The following MRPS9 variants were observed in gnomAD, a reference collection of about 807,000 sequenced individuals.
The protein encoded by MRPS9 is mitochondrial ribosomal protein S9, also known as small ribosomal subunit protein uS9m.
A neutral mutation model predicts 59.9 loss-of-function variants in MRPS9; 45 were observed. The ratio of observed to expected loss-of-function variants is 0.75; its 90% CI spans 0.59 to 0.96. MRPS9 has a LOEUF of 0.96. Ranked by LOEUF, MRPS9 falls within the 40% of genes least tolerant of loss-of-function variation. The probability of loss-of-function intolerance (pLI) is 0.00; values close to 1 mark genes in which losing one functional copy is unlikely to be tolerated. For missense variants in MRPS9, 473 were observed against 481.1 expected (o/e 0.98, Z 0.16); for synonymous variants, 171 against 166.8 (o/e 1.03, Z -0.19).
At chr2:105,040,979 A>C (rs1319383221) in intron 1 of MRPS9, among the ~76,000 whole-genome samples, 4 of 152,200 alleles carry the variant, frequency 2.6e-5, no homozygotes, top group Non-Finnish European at 5.9e-5. Flanking sequence ...ATAGAGATGT[A>C]CTGAGTAATA....
chr2:105,049,533 T>C (rs1440642484), intron 2 of MRPS9, among the ~76,000 whole-genome samples, 183 bp downstream of exon 2: 1 of 152,216 alleles, frequency 6.6e-6, no homozygotes, highest in Non-Finnish European at 1.5e-5. Flanking sequence ...ATTTACTTAG[T>C]ATGGTGAGTT....
intron 1 of MRPS9, among the ~76,000 whole-genome samples, chr2:105,046,300 T>C (rs1679593307): frequency 6.6e-6 from 1 of 152,020 alleles, no homozygotes. Flanking sequence ...TTCTATTTCA[T>C]AGAGAAAATA....
chr2:105,076,916 A>G (rs866828868), intron 4 of MRPS9, among the ~76,000 whole-genome samples: 1 of 152,078 alleles, frequency 6.6e-6, no homozygotes, highest in African/African-American at 2.4e-5. Context: ...AGAAAAAATT[A>G]AAGTACCAGT....
At position 105,080,019 on chromosome 2, in the gene MRPS9, A is replaced by G. The variant is rs201445337; in HGVS notation, c.446A>G (p.Tyr149Cys). Residue 149 changes from tyrosine to cysteine, a missense_variant, in exon 5 of 11, where the codon TAT (tyrosine) becomes TGT (cysteine). Physicochemically the swap from Tyr to Cys is radical, Grantham distance 194. Transcript: ENST00000258455. ...GGAGAAGATGGCCGTCCATTTCACT[A>G]TCTCTTCTATACTGGCAAACAGTCA... Reference protein sequence around the residue: ...QWGEDGRPFHYLFYTGKQSYY... With the variant: ...QWGEDGRPFHCLFYTGKQSYY... 2.0e-5 allele frequency: 33 copies of G among 1,611,836 alleles called. No individual in the cohort carries two copies. Among genetic ancestry groups the G allele is most frequent in the East Asian group, 1.8e-4 (8 of 44,688 alleles).
intron 2 of MRPS9, among the ~76,000 whole-genome samples, chr2:105,069,988 A>G (rs752798821): frequency 6.6e-6 from 1 of 152,100 alleles, no homozygotes; most frequent in Non-Finnish European, 1.5e-5. Flanking sequence ...CTCCAGCCTC[A>G]GCGACAGAGT....
intron 2 of MRPS9, among the ~76,000 whole-genome samples, chr2:105,063,966 AAAG>A (rs1679951420): frequency 6.6e-6 from 1 of 152,232 alleles, no homozygotes; most frequent in South Asian, 2.1e-4. Context: ...CACATAGGAG[AAAG>A]AAGAACTGGT....
chr2:105,049,779 G>A (rs1316081989), intron 2 of MRPS9, among the ~76,000 whole-genome samples: 1 of 152,094 alleles, frequency 6.6e-6, no homozygotes, highest in East Asian at 1.9e-4. Context: ...TGAAAATTAG[G>A]ATCAGAATTC....
intron 1 of MRPS9, among the ~76,000 whole-genome samples, chr2:105,043,134 C>G (rs1460800842): frequency 1.3e-5 from 2 of 152,146 alleles, no homozygotes; most frequent in Non-Finnish European, 2.9e-5. Context: ...ATTTCATGTT[C>G]AAATTTCCCT....
Position 105,049,282 on chromosome 2 carries a change from A to G in MRPS9, c.247A>G (p.Ile83Val), listed in dbSNP as rs757655077. The G allele has an allele frequency of 4.3e-6, 7 of 1,613,074 alleles. No individual in the cohort carries two copies. The highest frequency in any genetic ancestry group is 3.3e-5 in the Admixed American group (2 of 59,750). Residue 83 changes from isoleucine to valine, a missense_variant, in exon 2 of 11, where the codon ATA becomes GTA. Physicochemically the swap from Ile to Val is conservative, Grantham distance 29. Coordinates refer to ENST00000258455, the MANE Select transcript of MRPS9 (RefSeq NM_182640.3). ...TAAAAAGCAGATTGAAGAGTTCAAC[A>G]TAGGAAAGAGACATTTAGCCAACAT... ...FIKKQIEEFN[I>V]GKRHLANMMG...
intron 7 of MRPS9, among the ~76,000 whole-genome samples, chr2:105,091,771 T>C (rs935296680): frequency 6.6e-6 from 1 of 152,192 alleles, no homozygotes; most frequent in Non-Finnish European, 1.5e-5. Context: ...TTGTTTACTT[T>C]CTAATCACAT....
chr2:105,074,817 C>A (rs893178971), intron 4 of MRPS9, among the ~76,000 whole-genome samples: 1 of 152,098 alleles, frequency 6.6e-6, no homozygotes, highest in African/African-American at 2.4e-5. Flanking sequence ...GTGGTTAAAC[C>A]GGTGGTCCCC....
At position 105,091,450 on chromosome 2, in the gene MRPS9, C is replaced by T. The variant is rs1210509446; in HGVS notation, c.652-951C>T. 2.4e-5 allele frequency: 11 copies of T among 468,058 alleles called. No homozygotes were observed. In the East Asian group the frequency reaches 6.3e-4, roughly 27 times the overall value. 29.0% of individuals were successfully genotyped at this position (468,058 alleles called of 1,614,324 possible). ...ATATCCTAGGTAGCTGAGTATTTCA[C>T]CCTTACTAGAAGAGTGCCTTCTCTT... On this transcript the variant is annotated intron_variant, in intron 7 of 10. Coordinates refer to ENST00000258455, the MANE Select transcript of MRPS9 (RefSeq NM_182640.3).
intron 5 of MRPS9, among the ~76,000 whole-genome samples, chr2:105,082,013 G>A (rs1178316622): frequency 6.6e-6 from 1 of 152,106 alleles, no homozygotes; most frequent in African/African-American, 2.4e-5. Flanking sequence ...TTTTTGTAGT[G>A]GCCAGGCACT....
chr2:105,083,540 A>G (rs1240741120), intron 5 of MRPS9, among the ~76,000 whole-genome samples: 1 of 152,258 alleles, frequency 6.6e-6, no homozygotes, highest in Non-Finnish European at 1.5e-5. Context: ...ACTAAAAGTA[A>G]GTTGAAAATC....
chr2:105,094,332 T>A (rs1327001720), intron 9 of MRPS9, among the ~76,000 whole-genome samples: 1 of 152,206 alleles, frequency 6.6e-6, no homozygotes, highest in African/African-American at 2.4e-5. Context: ...TCTTCTAATC[T>A]AAATATACTC....
chr2:105,097,408 G>A (rs563577146), intron 10 of MRPS9, 84 bp downstream of exon 10: 46 of 1,263,514 alleles, frequency 3.6e-5, no homozygotes, highest in East Asian at 1.2e-4. Flanking sequence ...CCTGAAGTTC[G>A]TAAGAAAATA....
chr2:105,061,593 A>G (rs1320815857), intron 2 of MRPS9, among the ~76,000 whole-genome samples: 1 of 152,132 alleles, frequency 6.6e-6, no homozygotes, highest in African/African-American at 2.4e-5. Flanking sequence ...GTGCATCACT[A>G]CCCGCAGCAG....
At chr2:105,080,115 A>G (rs1680300992) in intron 5 of MRPS9, 53 bp downstream of exon 5, 8 of 1,263,836 alleles carry the variant, frequency 6.3e-6, no homozygotes, top group Middle Eastern at 5.0e-4. Flanking sequence ...TACAAAACTA[A>G]TTATACTGGA....
chr2:105,079,234 T>C (rs1003527294), intron 4 of MRPS9, among the ~76,000 whole-genome samples: 8 of 152,214 alleles, frequency 5.3e-5, no homozygotes, highest in Admixed American at 3.9e-4. Context: ...GTTTACAACT[T>C]CTGTAATGGA....
Sources: allele counts gnomAD v4.1 joint callset (sites outside exome capture counted in the v4.1 genomes callset), GRCh38; gene constraint gnomAD v4.1.1; transcripts MANE v1.5; gene names NCBI Gene and HGNC (gene_info 2026-07-23, HGNC 2026-07-21).